CPSF6: variants seen among roughly 807,000 people sequenced by gnomAD.
The protein encoded by CPSF6 is cleavage and polyadenylation specific factor 6, also known as cleavage and polyadenylation specificity factor subunit 6.
A neutral mutation model predicts 56.7 loss-of-function variants in CPSF6; 10 were observed. The observed-to-expected ratio is 0.18, with a 90% CI of 0.11 to 0.30. CPSF6 has a LOEUF of 0.30. Ranked by LOEUF, CPSF6 falls within the 10% of genes least tolerant of loss-of-function variation. CPSF6 has a pLI of 1.00. For synonymous variants in CPSF6, 248 were observed against 244.8 expected (o/e 1.01, Z -0.12); for missense variants, 419 against 722.9 (o/e 0.58, Z 4.82).
rs909194186 is a variant in CPSF6 at position 69,258,410 on chromosome 12, T to G, written c.695-180T>G. On this transcript the variant is annotated intron_variant, in intron 5 of 9. Coordinates refer to ENST00000435070, the MANE Select transcript of CPSF6 (RefSeq NM_007007.3). This position sits in a 1 kb window ranked among gnomAD's most constrained non-coding sequence, Gnocchi z 4.2. Reference sequence around the variant, plus strand: ...TTTCTTAAGCATAAATTGAGCTAGTTAAATTTGTAAGGATATACTTCATTG... The same window carrying G: ...TTTCTTAAGCATAAATTGAGCTAGTGAAATTTGTAAGGATATACTTCATTG... Among the ~76,000 whole-genome samples the G allele has an allele frequency of 2.6e-5, 4 of 152,254 alleles. No individual in the cohort carries two copies. Among genetic ancestry groups the G allele is most frequent in the Non-Finnish European group, 4.4e-5 (3 of 68,046 alleles).
At chr12:69,266,032 A>G (rs1431365861) in intron 9 of CPSF6, among the ~76,000 whole-genome samples, 2 of 40,526 alleles carry the variant, frequency 4.9e-5, no homozygotes, top group African/African-American at 2.0e-4. Context: ...ATTTTGAAAA[A>G]AAAAAAAAAA....
At chr12:69,252,069 A>T (rs915127669) in intron 2 of CPSF6, 12 of 455,712 alleles carry the variant, frequency 2.6e-5, no homozygotes, top group African/African-American at 2.4e-4. Context: ...CGTTTTATTT[A>T]CATTTCTTTT....
At chr12:69,265,763 C>T (rs182345844) in intron 9 of CPSF6, among the ~76,000 whole-genome samples, 20 of 151,852 alleles carry the variant, frequency 1.3e-4, no homozygotes, top group Admixed American at 3.3e-4. Flanking sequence ...GCACCACGCC[C>T]GGCTAATTTT....
chr12:69,258,994 A>G lies in CPSF6; in HGVS notation c.1099A>G (p.Asn367Asp). ...VNPAFFPPPT[N>D]SGMPTSDSRG... ...CCCAGCTTTCTTTCCTCCACCAACT[A>G]ACAGTGGCATGCCTACATCAGATAG... is the stretch of plus-strand genomic sequence containing the variant. The change falls in exon 6 of 10, where the codon AAC becomes GAC. Residue 367 changes from asparagine to aspartate, a missense_variant. Asn to Asp is a conservative substitution (Grantham distance 23). This residue lies in a region of CPSF6 where 211 missense variants were observed against 296.0 expected (regional missense o/e 0.71). Transcript: ENST00000435070. The surrounding 1 kb of genome is among the most constrained non-coding windows in gnomAD (Gnocchi z 4.2). 1.2e-6 allele frequency: 2 copies of G among 1,612,690 alleles called. No homozygotes were observed. Among genetic ancestry groups the G allele is most frequent in the Non-Finnish European group, 1.7e-6 (2 of 1,180,000 alleles).
chr12:69,257,846 C>A lies in CPSF6; in HGVS notation c.635C>A (p.Pro212His). 6.2e-7 allele frequency: 1 copy of A among 1,610,412 alleles called. No homozygotes were observed. Among genetic ancestry groups the A allele is most frequent in the Non-Finnish European group, 8.5e-7 (1 of 1,178,920 alleles). The part of the protein sequence containing the change: ...RGRGRFPGAV[P>H]GGDRFPGPAG... ...CGGGGCCGTTTTCCAGGGGCTGTTC[C>A]TGGTGGGGACAGATTTCCTGGGCCA... Residue 212 changes from proline to histidine, a missense_variant, in exon 5 of 10, where the codon CCT becomes CAT. By Grantham distance (77) the Pro-to-His change is moderately conservative (BLOSUM62 -2). Coordinates refer to ENST00000435070, the MANE Select transcript of CPSF6 (RefSeq NM_007007.3).
chr12:69,253,540 A>G (rs1195476922), intron 3 of CPSF6, among the ~76,000 whole-genome samples: 3 of 152,220 alleles, frequency 2.0e-5, no homozygotes, highest in East Asian at 1.9e-4. Context: ...CTACTAAACT[A>G]TACAAGTGGG....
chr12:69,253,619 A>G (rs986014813), intron 3 of CPSF6, among the ~76,000 whole-genome samples: 1 of 152,184 alleles, frequency 6.6e-6, no homozygotes, highest in African/African-American at 2.4e-5. Flanking sequence ...CCACTGTCCT[A>G]CCATTCATTG....
chr12:69,249,314 T>G (rs1872108917), intron 1 of CPSF6, among the ~76,000 whole-genome samples: 1 of 152,002 alleles, frequency 6.6e-6, no homozygotes, highest in South Asian at 2.1e-4. Flanking sequence ...AAATACAAAA[T>G]AAATAAAAGA....
intron 1 of CPSF6, among the ~76,000 whole-genome samples, chr12:69,245,997 G>C (rs1269989500): frequency 1.3e-5 from 2 of 152,176 alleles, no homozygotes; most frequent in African/African-American, 2.4e-5. Flanking sequence ...TGAGGCAGGA[G>C]AATTGCTTGA....
At chr12:69,261,898 G>A (rs1872758085) in intron 8 of CPSF6, among the ~76,000 whole-genome samples, 1 of 152,116 alleles carries the variant, frequency 6.6e-6, no homozygotes. Flanking sequence ...ATGCGTATTA[G>A]AAGGTTTCTT....
chr12:69,258,016 T>C lies in CPSF6; in HGVS notation c.694+111T>C. 1 of 1,536,542 alleles carries C rather than the reference T, an allele frequency of 6.5e-7. No homozygotes were observed. Among genetic ancestry groups the C allele is most frequent in the Non-Finnish European group, 8.8e-7 (1 of 1,135,502 alleles). On this transcript the variant is annotated intron_variant, in intron 5 of 9. Transcript: ENST00000435070. This position sits in a 1 kb window ranked among gnomAD's most constrained non-coding sequence, Gnocchi z 4.2. Reference sequence around the variant, plus strand: ...TTAATGTGACTTACTCTCCTTGTTATGCTATTTTTGGAATCCAGGAAATTT... The same window carrying C: ...TTAATGTGACTTACTCTCCTTGTTACGCTATTTTTGGAATCCAGGAAATTT...
chr12:69,267,798 T>C (rs1457664515), intron 9 of CPSF6, among the ~76,000 whole-genome samples: 1 of 151,916 alleles, frequency 6.6e-6, no homozygotes, highest in Non-Finnish European at 1.5e-5. Flanking sequence ...AAGATCTATC[T>C]ATAAAGTATA....
At position 69,239,613 on chromosome 12, in the gene CPSF6, CG is replaced by C. The variant is rs745917995; in HGVS notation, c.-32del. ...CCGCGGCGGGCAGACCTGCAGGAGG[CG>C]GCGGCGGCGGCGGCGGCCGAGGCTG... On this transcript the variant is annotated 5_prime_UTR_variant, in exon 1 of 10. Transcript: ENST00000435070. 1 of 1,325,962 alleles carries C rather than the reference CG, an allele frequency of 7.5e-7. No homozygotes were observed. Among genetic ancestry groups the C allele is most frequent in the Non-Finnish European group, 1.0e-6 (1 of 987,224 alleles). The allele number at this position is 1,325,962 out of a possible 1,614,324, so 82.1% of individuals were successfully genotyped here. A position where few individuals can be genotyped will look rare whatever the true frequency, so the allele number is the denominator to read the frequency against.
chr12:69,247,737 AGTTCAGTATGTTCTGTATTTTTTTTT>A (rs1175694154), intron 1 of CPSF6, among the ~76,000 whole-genome samples: 2 of 152,198 alleles, frequency 1.3e-5, no homozygotes, highest in African/African-American at 4.8e-5. Context: ...GTAAGAACAA[AGTTCAGTATGTTCTGTATTTTTTTTT>A]ACGCTGGAGG....
rs1427946818 is a variant in CPSF6, at chr12:69,260,340, T to C, written c.1469+143T>C. 2.8e-5 allele frequency: 17 copies of C among 612,068 alleles called. No individual in the cohort carries two copies. The South Asian group carries it at 3.4e-4, about 12-fold the overall frequency. The allele number at this position is 612,068 out of a possible 1,614,324, so 37.9% of individuals were successfully genotyped here. A position where few individuals can be genotyped will look rare whatever the true frequency, so the allele number is the denominator to read the frequency against. ...AGTGGTTTTTTTTTTTAACTCTAAA[T>C]GTTAGTTGCTTGCTTAAAACCCTTT... On this transcript the variant is annotated intron_variant, in intron 8 of 9. Transcript: ENST00000435070.
Position 69,258,556 on chromosome 12 carries a change from GTTTTTTTTT to G in CPSF6, c.695-33_695-25del. 6.8e-7 allele frequency: 1 copy of G among 1,461,074 alleles called. No homozygotes were observed. 90.5% of individuals were successfully genotyped at this position (1,461,074 alleles called of 1,614,324 possible). ...AGTTAAAATATCTTATTAGTGAAGT[GTTTTTTTTT>G]CTCTCTTTCTCCTTTGTTTTTTAGC... On this transcript the variant is annotated intron_variant, in intron 5 of 9. Transcript: ENST00000435070. The surrounding 1 kb of genome is among the most constrained non-coding windows in gnomAD (Gnocchi z 4.2).
At chr12:69,250,340 ATTAC>A (rs1463694616) in intron 1 of CPSF6, among the ~76,000 whole-genome samples, 4 of 152,032 alleles carry the variant, frequency 2.6e-5, no homozygotes, top group African/African-American at 4.8e-5. Flanking sequence ...TTTGTGTGTT[ATTAC>A]TTCTAGTTAA....
chr12:69,256,028 A>T (rs1398758296), intron 3 of CPSF6, among the ~76,000 whole-genome samples: 1 of 152,188 alleles, frequency 6.6e-6, no homozygotes, highest in Non-Finnish European at 1.5e-5. Flanking sequence ...GTATATTTAT[A>T]ATGGAAAATT....
intron 8 of CPSF6, among the ~76,000 whole-genome samples, chr12:69,261,764 T>TA (rs1236779000): frequency 1.3e-5 from 2 of 152,190 alleles, no homozygotes; most frequent in African/African-American, 2.4e-5. Context: ...TATTTGTTTT[T>TA]AAAAAATCGC....
Sources: allele counts gnomAD v4.1 joint callset (sites outside exome capture counted in the v4.1 genomes callset), GRCh38; gene constraint gnomAD v4.1.1; regional missense constraint gnomAD v4.1.1; non-coding constraint Gnocchi (gnomAD v3.1); transcripts MANE v1.5; gene names NCBI Gene and HGNC (gene_info 2026-07-23, HGNC 2026-07-21).